The following SYT16 variants were observed in gnomAD, a reference collection of about 807,000 sequenced individuals.
SYT16 encodes synaptotagmin 16.
In SYT16, 42 loss-of-function variants were observed where a neutral mutation model predicts 61.4. That is an observed-to-expected ratio of 0.68 (90% CI 0.53 to 0.89). SYT16 has a LOEUF of 0.89. SYT16 is among the 40% of genes least tolerant of loss of function. SYT16 has a pLI of 0.00. For synonymous variants in SYT16, 314 were observed against 302.3 expected (o/e 1.04, Z -0.40); for missense variants, 804 against 807.3 (o/e 1.00, Z 0.05).
intron 1 of SYT16, among the ~76,000 whole-genome samples, chr14:61,915,835 A>C (rs2049101509): frequency 6.6e-6 from 1 of 152,226 alleles, no homozygotes; most frequent in African/African-American, 2.4e-5. Context: ...TACTTAGAAG[A>C]CCTTTACATT....
intron 1 of SYT16, among the ~76,000 whole-genome samples, chr14:61,832,796 T>C (rs982923177): frequency 1.3e-5 from 2 of 152,188 alleles, no homozygotes; most frequent in African/African-American, 4.8e-5. Context: ...AGCAATAGTT[T>C]TGTTTTCCAC....
At chr14:61,859,165 A>G (rs964529088) in intron 1 of SYT16, among the ~76,000 whole-genome samples, 9 of 151,950 alleles carry the variant, frequency 5.9e-5, no homozygotes, top group African/African-American at 1.9e-4. Context: ...GGCCAGCCCC[A>G]AATCATTTTC....
intron 7 of SYT16, among the ~76,000 whole-genome samples, chr14:62,095,832 A>G (rs1004815009): frequency 6.6e-6 from 1 of 152,014 alleles, no homozygotes; most frequent in Non-Finnish European, 1.5e-5. Context: ...TAAACCAAGC[A>G]AGAGAGTAGA....
At chr14:61,889,068 G>T (rs1024477215) in intron 1 of SYT16, among the ~76,000 whole-genome samples, 3 of 152,186 alleles carry the variant, frequency 2.0e-5, no homozygotes, top group African/African-American at 7.2e-5. Context: ...GGTAAAGTTG[G>T]TAAGGCAGAC....
intron 1 of SYT16, among the ~76,000 whole-genome samples, chr14:61,852,128 C>T (rs2046637286): frequency 6.6e-6 from 1 of 152,130 alleles, no homozygotes; most frequent in Admixed American, 6.5e-5. Flanking sequence ...TTTCAATATT[C>T]TACATATGGA....
At chr14:61,879,212 A>G (rs1450823377) in intron 1 of SYT16, among the ~76,000 whole-genome samples, 1 of 152,152 alleles carries the variant, frequency 6.6e-6, no homozygotes, top group Non-Finnish European at 1.5e-5. Flanking sequence ...CTGTGTTATT[A>G]ATACTTTTTC....
intron 1 of SYT16, among the ~76,000 whole-genome samples, chr14:61,815,371 T>C (rs2045396081): frequency 6.6e-6 from 1 of 152,190 alleles, no homozygotes; most frequent in South Asian, 2.1e-4. Flanking sequence ...GCCTTAGGGC[T>C]ATAGCTGAGT....
At chr14:61,891,242 GCACACACACACA>G (rs34375502) in intron 1 of SYT16, among the ~76,000 whole-genome samples, 1 of 147,802 alleles carries the variant, frequency 6.8e-6, no homozygotes, top group African/African-American at 2.5e-5. Flanking sequence ...ACACACACGC[GCACACACACACA>G]CACACACACA....
At chr14:61,887,534 A>G (rs780803851) in intron 1 of SYT16, among the ~76,000 whole-genome samples, 1 of 152,232 alleles carries the variant, frequency 6.6e-6, no homozygotes, top group Non-Finnish European at 1.5e-5. Context: ...TTTTGTGTAC[A>G]TGGAAAATCT....
chr14:61,963,496 C>T (rs1247049073), intron 1 of SYT16, among the ~76,000 whole-genome samples: 1 of 152,082 alleles, frequency 6.6e-6, no homozygotes, highest in African/African-American at 2.4e-5. Flanking sequence ...AGAGTAAAAC[C>T]CTAAGTCTCT....
At chr14:61,911,714 A>C (rs1361969495) in intron 1 of SYT16, among the ~76,000 whole-genome samples, 1 of 152,202 alleles carries the variant, frequency 6.6e-6, no homozygotes, top group African/African-American at 2.4e-5. Flanking sequence ...AGTGCTTTGC[A>C]AAGGAAGTGG....
At chr14:62,040,828 C>A (rs888680776) in intron 3 of SYT16, among the ~76,000 whole-genome samples, 2 of 152,068 alleles carry the variant, frequency 1.3e-5, no homozygotes, top group Non-Finnish European at 2.9e-5. Flanking sequence ...CCTTGTTTCC[C>A]CTGTTAACAT....
intron 3 of SYT16, among the ~76,000 whole-genome samples, chr14:62,057,971 A>G (rs191659406): frequency 7.2e-5 from 11 of 152,170 alleles, no homozygotes; most frequent in South Asian, 6.2e-4. Context: ...CCATGGATCT[A>G]TTTTCTGTCA....
intron 2 of SYT16, among the ~76,000 whole-genome samples, chr14:61,990,136 T>C (rs1221791605): frequency 6.6e-6 from 1 of 152,204 alleles, no homozygotes; most frequent in Non-Finnish European, 1.5e-5. Context: ...ATGTTAAAGA[T>C]GAGTTGCAGC....
At chr14:61,950,045 A>C (rs556313153) in intron 1 of SYT16, among the ~76,000 whole-genome samples, 3 of 152,242 alleles carry the variant, frequency 2.0e-5, no homozygotes, top group African/African-American at 7.2e-5. Flanking sequence ...AAATGTGTAA[A>C]ATGTTGCATG....
At chr14:61,871,273 A>G (rs1361517534) in intron 1 of SYT16, among the ~76,000 whole-genome samples, 1 of 151,032 alleles carries the variant, frequency 6.6e-6, no homozygotes, top group East Asian at 1.9e-4. Context: ...TATGAGCTCT[A>G]GGGATTTTTT....
chr14:61,860,890 C>T (rs1426142689), intron 1 of SYT16, among the ~76,000 whole-genome samples: 1 of 152,124 alleles, frequency 6.6e-6, no homozygotes, highest in Non-Finnish European at 1.5e-5. Context: ...TGGGAAGATG[C>T]AAGTGTTGAG....
intron 1 of SYT16, among the ~76,000 whole-genome samples, chr14:61,955,368 C>T (rs1325751522): frequency 1.3e-5 from 2 of 151,910 alleles, no homozygotes; most frequent in African/African-American, 2.4e-5. Context: ...ATCATAGGCC[C>T]TATATTGTAC....
At chr14:62,098,864 AG>A in intron 7 of SYT16, among the ~76,000 whole-genome samples, 1 of 152,288 alleles carries the variant, frequency 6.6e-6, no homozygotes, top group East Asian at 1.9e-4. Context: ...TGAGAGAAAA[AG>A]GTCAGAAAGG....
Sources: gnomAD v4.1 joint callset for allele counts (sites outside exome capture counted in the v4.1 genomes callset) on GRCh38, gnomAD v4.1.1 for gene constraint, MANE v1.5 for transcripts, NCBI Gene and HGNC (gene_info 2026-07-23, HGNC 2026-07-21) for gene names.